ZNF540: variants seen among roughly 807,000 people sequenced by gnomAD.
ZNF540 encodes zinc finger protein 540, also known as CTD-3064H18.6.
ZNF540 carries 3 observed loss-of-function variants against 11.8 expected under a neutral mutation model. The ratio of observed to expected loss-of-function variants is 0.25; its 90% confidence interval spans 0.12 to 0.65. The LOEUF is 0.65. ZNF540 is among the 30% of genes least tolerant of loss of function. The pLI is 0.83. For synonymous variants in ZNF540, 247 were observed against 259.0 expected (o/e 0.95, Z 0.45); for missense variants, 709 against 793.1 (o/e 0.89, Z 1.27).
chr19:37,584,068 A>C, intron 1 of ZNF540: 1 of 1,614,176 alleles, frequency 6.2e-7, no homozygotes, highest in South Asian at 1.1e-5. Flanking sequence ...GAGAGAAGTC[A>C]ATGGCCACAT....
At chr19:37,605,848 T>C (rs925414492) in intron 4 of ZNF540, among the ~76,000 whole-genome samples, 19 of 152,230 alleles carry the variant, frequency 1.2e-4, no homozygotes, top group African/African-American at 4.3e-4. Context: ...TTTTCATTTA[T>C]TTGTCATTCC....
chr19:37,570,967 T>TG (rs1292940632), intron 1 of ZNF540, among the ~76,000 whole-genome samples: 1 of 152,216 alleles, frequency 6.6e-6, no homozygotes, highest in East Asian at 1.9e-4. Context: ...TACAAATTAC[T>TG]CTAATTTTAA....
At chr19:37,568,287 C>T (rs1332192186) in intron 1 of ZNF540, among the ~76,000 whole-genome samples, 4 of 149,300 alleles carry the variant, frequency 2.7e-5, no homozygotes, top group African/African-American at 9.9e-5. Flanking sequence ...TGCTGAAAAG[C>T]AAAAAGAAAT....
At chr19:37,579,971 A>G (rs1262949129) in intron 1 of ZNF540, among the ~76,000 whole-genome samples, 2 of 152,226 alleles carry the variant, frequency 1.3e-5, no homozygotes, top group African/African-American at 4.8e-5. Context: ...CTGGAAAAAA[A>G]AGAACCATTT....
chr19:37,609,956 T>C (rs546664240), intron 4 of ZNF540, among the ~76,000 whole-genome samples: 69 of 152,330 alleles, frequency 4.5e-4, no homozygotes, highest in African/African-American at 1.5e-3. Context: ...ATACATCTCT[T>C]TGCACAGGAG....
rs960910676 is a variant in ZNF540 at position 37,613,457 on chromosome 19, G to A, written c.*194G>A. The A allele has an allele frequency of 3.9e-5, 18 of 459,534 alleles. No homozygotes were observed. Among genetic ancestry groups the A allele is most frequent in the Non-Finnish European group, 6.4e-5 (17 of 266,814 alleles). 28.5% of individuals were successfully genotyped at this position (459,534 alleles called of 1,614,324 possible). A position where few individuals can be genotyped will look rare whatever the true frequency, so the allele number is the denominator to read the frequency against. ...ATAAAGCTGTTAATGTAACAGTTGT[G>A]GAAAAGTGTTCTAGCAACAGCATAT... On this transcript the variant is annotated 3_prime_UTR_variant, in exon 5 of 5. Coordinates refer to ENST00000316433, the MANE Select transcript of ZNF540 (RefSeq NM_001172225.3).
In ZNF540 at chr19:37,612,116, G is replaced by GT. The variant is rs757107073; in HGVS notation, c.843dup (p.Ser282Ter). 9.3e-6 allele frequency: 15 copies of GT among 1,611,368 alleles called. No homozygotes were observed. The East Asian group carries it at 1.1e-4, about 12-fold the overall frequency. ...TATATGTGTAAGAAATGTGATAAGG[G>GT]TTTTTTTAGTAGATTAGAACTTACT... On this transcript the variant is annotated frameshift_variant, in exon 5 of 5. Transcript: ENST00000316433. LOFTEE classifies it low-confidence loss of function (END_TRUNC).
chr19:37,607,691 C>T (rs2044095709), intron 4 of ZNF540, among the ~76,000 whole-genome samples: 1 of 152,142 alleles, frequency 6.6e-6, no homozygotes, highest in African/African-American at 2.4e-5. Flanking sequence ...GGATGTACCA[C>T]AGCTTAATCA....
At chr19:37,595,720 A>G (rs1600553800) in intron 1 of ZNF540, among the ~76,000 whole-genome samples, 1 of 152,212 alleles carries the variant, frequency 6.6e-6, no homozygotes, top group Non-Finnish European at 1.5e-5. Flanking sequence ...ACTGAGTTCC[A>G]TTTTTTATAT....
upstream of ZNF540, chr19:37,594,218 A>C (rs1276047965): frequency 6.6e-6 from 1 of 152,232 alleles, no homozygotes; most frequent in Non-Finnish European, 1.5e-5. Context: ...AGAGCCTCTT[A>C]CTCTGCAAAG....
chr19:37,582,193 C>T (rs189604820), intron 1 of ZNF540, among the ~76,000 whole-genome samples: 4 of 152,276 alleles, frequency 2.6e-5, no homozygotes, highest in Admixed American at 2.0e-4. Context: ...TTCTTTCTCA[C>T]TCTCTTTTAA....
chr19:37,568,783 A>ATTC (rs2042958132), intron 1 of ZNF540, among the ~76,000 whole-genome samples: 1 of 152,108 alleles, frequency 6.6e-6, no homozygotes, highest in African/African-American at 2.4e-5. Context: ...AAAAGGGAAA[A>ATTC]CTGCAAAAGG....
upstream of ZNF540, among the ~76,000 whole-genome samples, chr19:37,592,061 C>A (rs2043883877): frequency 6.6e-6 from 1 of 151,824 alleles, no homozygotes; most frequent in African/African-American, 2.4e-5. Flanking sequence ...AGTTGCAGAC[C>A]AGCCTGGGCA....
intron 1 of ZNF540, among the ~76,000 whole-genome samples, chr19:37,579,263 C>T (rs1427205516): frequency 6.6e-6 from 1 of 152,206 alleles, no homozygotes; most frequent in East Asian, 1.9e-4. Flanking sequence ...AGGTCTCACA[C>T]AGGTTGTCCA....
intron 1 of ZNF540, chr19:37,555,312 T>A (rs1260574132): frequency 1.3e-5 from 2 of 152,630 alleles, no homozygotes; most frequent in African/African-American, 4.8e-5. Context: ...CCCACTTGTG[T>A]TTTTGGGGAA....
At chr19:37,586,659 G>A (rs202041628) in intron 1 of ZNF540, 37 of 1,613,810 alleles carry the variant, frequency 2.3e-5, no homozygotes, top group Non-Finnish European at 3.1e-5. Context: ...GAAAGAAACA[G>A]CAACTCACGT....
At chr19:37,600,599 C>T (rs896119185) in intron 3 of ZNF540, among the ~76,000 whole-genome samples, 1 of 152,030 alleles carries the variant, frequency 6.6e-6, no homozygotes, top group Admixed American at 6.6e-5. Context: ...AAAGGTACTA[C>T]TTTTATTTTC....
chr19:37,566,569 A>C, intron 1 of ZNF540: 1 of 285,830 alleles, frequency 3.5e-6, no homozygotes. Flanking sequence ...AATAGTAATA[A>C]AAACACCCTC....
intron 1 of ZNF540, chr19:37,567,664 C>T (rs1228667539): frequency 6.6e-6 from 1 of 152,110 alleles, no homozygotes; most frequent in Non-Finnish European, 1.5e-5. Context: ...TCAAAGTGGC[C>T]ACCTCCTTTG....
Sources: gnomAD v4.1 joint callset for allele counts (sites outside exome capture counted in the v4.1 genomes callset) on GRCh38, gnomAD v4.1.1 for gene constraint, MANE v1.5 for transcripts, NCBI Gene and HGNC (gene_info 2026-07-23, HGNC 2026-07-21) for gene names.